PAPOLA: variants seen among roughly 807,000 people sequenced by gnomAD.
The protein encoded by PAPOLA is polynucleotide adenylyltransferase alpha.
Under a neutral mutation model 100.6 loss-of-function variants are expected in PAPOLA, and 15 were observed. The ratio of observed to expected loss-of-function variants is 0.15; its 90% CI spans 0.10 to 0.23. The LOEUF is 0.23. PAPOLA is among the 10% of genes least tolerant of loss of function. The pLI is 1.00. For missense variants in PAPOLA, 533 were observed against 884.2 expected, an observed-to-expected ratio of 0.60 and a Z score of 5.04; for synonymous variants, 293 against 300.0, an observed-to-expected ratio of 0.98 and a Z score of 0.24.
Position 96,543,549 on chromosome 14 carries a change from T to C in PAPOLA, c.1290-600T>C, listed in dbSNP as rs534491544. ...AAATTTGTGTTATACAGTATTCTTATTGATTATATAGATTTTTTTATTTTG... is the reference window on the plus strand; with the variant it reads ...AAATTTGTGTTATACAGTATTCTTACTGATTATATAGATTTTTTTATTTTG... On this transcript the variant is annotated intron_variant, in intron 14 of 21. Coordinates refer to ENST00000216277, the MANE Select transcript of PAPOLA (RefSeq NM_032632.5). 6.6e-5 allele frequency among the ~76,000 whole-genome samples: 10 copies of C among 151,882 alleles called. No homozygotes were observed. The East Asian group carries it at 1.6e-3, about 24-fold the overall frequency.
intron 20 of PAPOLA, 81 bp from the exon 21 acceptor site, chr14:96,562,738 T>C: frequency 1.3e-6 from 1 of 794,304 alleles, no homozygotes. Context: ...TTGTCTTCTT[T>C]ATTAGCCACC....
rs1283872031 is a variant in PAPOLA at position 96,565,393 on chromosome 14, T to G, written c.*343T>G. On this transcript the variant is annotated 3_prime_UTR_variant, in exon 22 of 22. Coordinates refer to ENST00000216277, the MANE Select transcript of PAPOLA (RefSeq NM_032632.5). ...GGAAAATTTGCAATACAAACTGGCATAAGAATTACTTATTCTGATGATGCA... is the reference window on the plus strand; with the variant it reads ...GGAAAATTTGCAATACAAACTGGCAGAAGAATTACTTATTCTGATGATGCA... 1 of 308,040 alleles carries G rather than the reference T, an allele frequency of 3.2e-6. No homozygotes were observed. The highest frequency in any genetic ancestry group is 5.2e-5 in the East Asian group (1 of 19,192). The allele number at this position is 308,040 out of a possible 1,614,324, so 19.1% of individuals were successfully genotyped here.
At chr14:96,535,392 A>G (rs958350468) in intron 10 of PAPOLA, 1 of 980,548 alleles carries the variant, frequency 1.0e-6, no homozygotes, top group Non-Finnish European at 1.2e-6. Flanking sequence ...TCATTTCATT[A>G]TCTCCTAACA....
chr14:96,527,553 C>A lies in PAPOLA; in HGVS notation c.441+14C>A. The A allele has an allele frequency of 3.0e-6, 4 of 1,334,328 alleles. No individual in the cohort carries two copies. Among genetic ancestry groups the A allele is most frequent in the South Asian group, 1.2e-5 (1 of 85,240 alleles). The allele number at this position is 1,334,328 out of a possible 1,614,324, so 82.7% of individuals were successfully genotyped here. ...AAAGATTTAAGAGTGCGTAAATGTT[C>A]GGGGTGAAATGGGATGAGTTATGAA... On this transcript the variant is annotated intron_variant, in intron 5 of 21. Transcript: ENST00000216277.
rs1156674516 is a variant in PAPOLA at position 96,507,326 on chromosome 14, C to T, written c.8+4726C>T. Reference sequence around the variant, plus strand: ...TTTTTGAGACGGAGTCTCGTTCTGTCGCCCAGGCGGGAGTGCTGTGGCGCG... The same window carrying T: ...TTTTTGAGACGGAGTCTCGTTCTGTTGCCCAGGCGGGAGTGCTGTGGCGCG... On this transcript the variant is annotated intron_variant, in intron 1 of 21. Transcript: ENST00000216277. Among the ~76,000 whole-genome samples the T allele has an allele frequency of 8.0e-5, 9 of 113,114 alleles. No homozygotes were observed. In the East Asian group the frequency reaches 2.4e-3, roughly 30 times the overall value. 74.2% of individuals were successfully genotyped at this position (113,114 alleles called of 152,430 possible).
chr14:96,550,635 G>A (rs1461322375), intron 16 of PAPOLA, among the ~76,000 whole-genome samples: 2 of 152,096 alleles, frequency 1.3e-5, no homozygotes, highest in Non-Finnish European at 2.9e-5. Flanking sequence ...TTTGTGACCT[G>A]CCTTTTTTTG....
At position 96,537,583 on chromosome 14, in the gene PAPOLA, G is replaced by A. The variant is rs117877205; in HGVS notation, c.1115+523G>A. On this transcript the variant is annotated intron_variant, in intron 12 of 21. Transcript: ENST00000216277. Reference sequence around the variant, plus strand: ...AAATATTTCTACAGCTAGCTTTCATGAATCTAAGTGGGTGTTAATCATTTT... The same window carrying A: ...AAATATTTCTACAGCTAGCTTTCATAAATCTAAGTGGGTGTTAATCATTTT... 578 of 153,824 alleles carry A rather than the reference G, an allele frequency of 3.8e-3. 1 individual carries two copies. The highest frequency in any genetic ancestry group is 6.7e-3 in the Non-Finnish European group (463 of 68,960). The allele number at this position is 153,824 out of a possible 1,614,324, so 9.5% of individuals were successfully genotyped here. A position where few individuals can be genotyped will look rare whatever the true frequency, so the allele number is the denominator to read the frequency against.
At chr14:96,540,409 T>G (rs1308873715) in intron 12 of PAPOLA, among the ~76,000 whole-genome samples, 1 of 151,316 alleles carries the variant, frequency 6.6e-6, no homozygotes, top group Non-Finnish European at 1.5e-5. Flanking sequence ...TGCATGTTCT[T>G]TACCTTTTTT....
At chr14:96,556,927 C>A (rs1343341632) in intron 19 of PAPOLA, among the ~76,000 whole-genome samples, 1 of 152,196 alleles carries the variant, frequency 6.6e-6, no homozygotes. Flanking sequence ...AGCTCTCTAA[C>A]CCTTAAAGAA....
Position 96,507,526 on chromosome 14 carries a change from C to T in PAPOLA, c.8+4926C>T, listed in dbSNP as rs548293350. On this transcript the variant is annotated intron_variant, in intron 1 of 21. Coordinates refer to ENST00000216277, the MANE Select transcript of PAPOLA (RefSeq NM_032632.5). ...TCCTGACCTCGTGATCCGCCTGCCT[C>T]GGCCTCCCAAAGTGCTGGGATTACA... Among the ~76,000 whole-genome samples the T allele has an allele frequency of 5.3e-5, 8 of 152,170 alleles. No homozygotes were observed. In the East Asian group the frequency reaches 1.2e-3, roughly 22 times the overall value.
intron 3 of PAPOLA, among the ~76,000 whole-genome samples, chr14:96,522,112 C>CTTTTTTTTTTTTTTTTTTTTT (rs1350167869): frequency 1.0e-5 from 1 of 98,714 alleles, no homozygotes; most frequent in Non-Finnish European, 1.9e-5. Context: ...CTCTTTCTTT[C>CTTTTTTTTTTTTTTTTTTTTT]TTTCTTTTTT....
intron 19 of PAPOLA, chr14:96,560,330 T>A (rs2140336960): frequency 5.0e-6 from 1 of 201,090 alleles, no homozygotes; most frequent in Middle Eastern, 1.9e-3. Context: ...TAAAGTTGTA[T>A]GATCAGGAAC....
chr14:96,506,802 G>C (rs887192330), intron 1 of PAPOLA, among the ~76,000 whole-genome samples: 1 of 152,184 alleles, frequency 6.6e-6, no homozygotes, highest in Non-Finnish European at 1.5e-5. Context: ...GTGCATTCAA[G>C]GGTACATTCA....
chr14:96,565,664 G>A lies in PAPOLA; in HGVS notation c.*614G>A, dbSNP rs1377845775. 1 of 397,028 alleles carries A rather than the reference G, an allele frequency of 2.5e-6. No individual in the cohort carries two copies. Among genetic ancestry groups the A allele is most frequent in the East Asian group, 3.6e-5 (1 of 28,054 alleles). 24.6% of individuals were successfully genotyped at this position (397,028 alleles called of 1,614,324 possible). A position where few individuals can be genotyped will look rare whatever the true frequency, so the allele number is the denominator to read the frequency against. ...CATTTGACATTGAAAGAATAGTTAGGAAATAACTTGGTTTTGATAGGGTCA... is the reference window on the plus strand; with the variant it reads ...CATTTGACATTGAAAGAATAGTTAGAAAATAACTTGGTTTTGATAGGGTCA... On this transcript the variant is annotated 3_prime_UTR_variant, in exon 22 of 22. Transcript: ENST00000216277.
intron 1 of PAPOLA, 84 bp from the exon 2 acceptor site, chr14:96,519,971 A>T: frequency 8.8e-7 from 1 of 1,140,166 alleles, no homozygotes; most frequent in Non-Finnish European, 1.2e-6. Flanking sequence ...AATGTGTGTT[A>T]CTAAATTAGT....
intron 1 of PAPOLA, among the ~76,000 whole-genome samples, chr14:96,518,720 CACTTTA>C (rs1005663240): frequency 6.6e-6 from 1 of 151,010 alleles, no homozygotes; most frequent in Non-Finnish European, 1.5e-5. Flanking sequence ...TAGATTATCA[CACTTTA>C]ACTTAAAGTA....
chr14:96,557,234 A>G (rs1381310637), intron 19 of PAPOLA, among the ~76,000 whole-genome samples: 3 of 152,090 alleles, frequency 2.0e-5, no homozygotes, highest in Non-Finnish European at 4.4e-5. Flanking sequence ...ATTTTTTTGT[A>G]AAGACAGAGT....
intron 3 of PAPOLA, among the ~76,000 whole-genome samples, chr14:96,524,117 A>G (rs909886750): frequency 6.6e-6 from 1 of 151,874 alleles, no homozygotes; most frequent in Non-Finnish European, 1.5e-5. Flanking sequence ...TTTGAGAGGA[A>G]GGGGGGTGGT....
At chr14:96,536,547 G>A (rs939452972) in intron 11 of PAPOLA, among the ~76,000 whole-genome samples, 3 of 152,004 alleles carry the variant, frequency 2.0e-5, no homozygotes, top group Non-Finnish European at 2.9e-5. Flanking sequence ...AAATTTAGAC[G>A]TTTAAAATTC....
Sources: gnomAD v4.1 joint callset for allele counts (sites outside exome capture counted in the v4.1 genomes callset) on GRCh38, gnomAD v4.1.1 for gene constraint, MANE v1.5 for transcripts, NCBI Gene and HGNC (gene_info 2026-07-23, HGNC 2026-07-21) for gene names.